The following CERS6 variants were observed in gnomAD, a reference collection of about 807,000 sequenced individuals.
CERS6 encodes the protein ceramide synthase 6.
Under a neutral mutation model 56.8 loss-of-function variants are expected in CERS6, and 26 were observed. The observed-to-expected ratio is 0.46, with a 90% CI of 0.34 to 0.63. The LOEUF is 0.63. Ranked by LOEUF, CERS6 falls within the 30% of genes least tolerant of loss-of-function variation. CERS6 has a pLI of 0.01. For missense variants in CERS6, 415 were observed against 467.5 expected, an observed-to-expected ratio of 0.89 and a Z score of 1.04; for synonymous variants, 164 against 173.3, an observed-to-expected ratio of 0.95 and a Z score of 0.42.
At chr2:168,506,767 A>G (rs557581165) in intron 1 of CERS6, among the ~76,000 whole-genome samples, 12 of 152,352 alleles carry the variant, frequency 7.9e-5, no homozygotes, top group Non-Finnish European at 1.0e-4. Flanking sequence ...TGTCATTTAA[A>G]GGAGATTTGT....
At chr2:168,485,145 C>T (rs377684440) in intron 1 of CERS6, among the ~76,000 whole-genome samples, 1 of 149,640 alleles carries the variant, frequency 6.7e-6, no homozygotes, top group East Asian at 2.0e-4. Flanking sequence ...TACAAAAACA[C>T]AAAAGGTGAC....
At chr2:168,640,644 T>C (rs936189631) in intron 4 of CERS6, among the ~76,000 whole-genome samples, 3 of 152,220 alleles carry the variant, frequency 2.0e-5, no homozygotes, top group African/African-American at 7.2e-5. Flanking sequence ...GTGTCAGATG[T>C]AGGAAGCTAT....
chr2:168,707,647 C>A (rs188418158), intron 6 of CERS6, among the ~76,000 whole-genome samples: 1 of 152,112 alleles, frequency 6.6e-6, no homozygotes, highest in African/African-American at 2.4e-5. Context: ...CCAAATAATT[C>A]GTGGGAGATT....
At chr2:168,677,939 A>G (rs1273011488) in intron 4 of CERS6, among the ~76,000 whole-genome samples, 1 of 152,248 alleles carries the variant, frequency 6.6e-6, no homozygotes, top group Non-Finnish European at 1.5e-5. Context: ...AAACATATGA[A>G]AAAATGCTCA....
intron 1 of CERS6, among the ~76,000 whole-genome samples, chr2:168,529,183 T>C (rs1004063872): frequency 1.3e-4 from 20 of 152,238 alleles, no homozygotes; most frequent in African/African-American, 4.8e-4. Context: ...TCCATTTCTG[T>C]CAGTGTGAAG....
At chr2:168,574,132 C>G (rs530447023) in intron 3 of CERS6, among the ~76,000 whole-genome samples, 1 of 152,216 alleles carries the variant, frequency 6.6e-6, no homozygotes, top group East Asian at 1.9e-4. Context: ...GGAAATGTGT[C>G]CAACTTGAAC....
intron 8 of CERS6, among the ~76,000 whole-genome samples, chr2:168,760,240 C>T (rs1327222216): frequency 6.6e-6 from 1 of 152,148 alleles, no homozygotes; most frequent in Non-Finnish European, 1.5e-5. Flanking sequence ...TGGCTGCAAG[C>T]TTGAGGAGCA....
At chr2:168,768,841 G>C (rs1282081894) in intron 9 of CERS6, among the ~76,000 whole-genome samples, 1 of 150,430 alleles carries the variant, frequency 6.6e-6, no homozygotes. Flanking sequence ...AGGAGGCGGA[G>C]GTTGCAGTGA....
intron 3 of CERS6, among the ~76,000 whole-genome samples, chr2:168,569,224 T>C (rs547920043): frequency 6.6e-5 from 10 of 152,264 alleles, no homozygotes; most frequent in African/African-American, 2.4e-4. Flanking sequence ...CCTCTTCTTA[T>C]AAGAACACCA....
At chr2:168,503,249 A>G (rs373760284) in intron 1 of CERS6, among the ~76,000 whole-genome samples, 2 of 152,202 alleles carry the variant, frequency 1.3e-5, no homozygotes, top group Non-Finnish European at 2.9e-5. Flanking sequence ...CTGTGAGTCA[A>G]TTAAACCTCT....
In CERS6 at chr2:168,727,801, A is replaced by G. The variant is rs115212100; in HGVS notation, c.845+9823A>G. On this transcript the variant is annotated intron_variant, in intron 8 of 9. Transcript: ENST00000305747. The stretch of plus-strand genomic sequence containing the variant: ...AATCCCTTGACAAATTTGCTCTGAA[A>G]TTTGCCTTGGTGCTGGTCTATGTTA... Among the ~76,000 whole-genome samples, 1,085 of 152,308 alleles carry G rather than the reference A, an allele frequency of 7.1e-3. 11 individuals are homozygous for G. Among genetic ancestry groups the G allele is most frequent in the African/African-American group, 0.024 (1,017 of 41,566 alleles).
intron 8 of CERS6, among the ~76,000 whole-genome samples, chr2:168,760,287 G>A (rs1038597939): frequency 2.6e-5 from 4 of 152,172 alleles, no homozygotes; most frequent in Admixed American, 1.3e-4. Flanking sequence ...TGAAGAACTC[G>A]GAGTCTGATG....
chr2:168,651,007 G>A (rs1685328673), intron 4 of CERS6, among the ~76,000 whole-genome samples: 2 of 152,094 alleles, frequency 1.3e-5, no homozygotes, highest in Admixed American at 6.6e-5. Context: ...GAGATTGGGT[G>A]GTGAGAGAAA....
intron 3 of CERS6, among the ~76,000 whole-genome samples, chr2:168,585,093 T>G (rs1329812448): frequency 1.3e-5 from 2 of 152,256 alleles, no homozygotes; most frequent in Non-Finnish European, 2.9e-5. Flanking sequence ...GAAGTGGTAC[T>G]GAGCATGCAA....
chr2:168,646,434 A>G (rs1191804286), intron 4 of CERS6, among the ~76,000 whole-genome samples: 1 of 152,150 alleles, frequency 6.6e-6, no homozygotes, highest in Non-Finnish European at 1.5e-5. Flanking sequence ...GATCCTGCAT[A>G]TTAGACCTCT....
chr2:168,508,467 C>A (rs1694720005), intron 1 of CERS6, among the ~76,000 whole-genome samples: 1 of 152,178 alleles, frequency 6.6e-6, no homozygotes, highest in South Asian at 2.1e-4. Flanking sequence ...CACTGCCTCT[C>A]CTTTTAATCT....
chr2:168,485,863 T>A (rs1256713129), intron 1 of CERS6, among the ~76,000 whole-genome samples: 1 of 152,200 alleles, frequency 6.6e-6, no homozygotes, highest in African/African-American at 2.4e-5. Flanking sequence ...ATACCTAGCA[T>A]GATTTGGCAA....
intron 4 of CERS6, among the ~76,000 whole-genome samples, chr2:168,636,780 A>C (rs745801788): frequency 3.3e-5 from 5 of 151,920 alleles, no homozygotes; most frequent in Admixed American, 1.3e-4. Flanking sequence ...CGTCCCTTTC[A>C]TTTACCCTAC....
chr2:168,456,677 C>T lies in CERS6; in HGVS notation c.170+59C>T. 3 of 1,518,816 alleles carry T rather than the reference C, an allele frequency of 2.0e-6. No homozygotes were observed. Among genetic ancestry groups the T allele is most frequent in the Non-Finnish European group, 9.0e-7 (1 of 1,112,056 alleles). 94.1% of individuals were successfully genotyped at this position (1,518,816 alleles called of 1,614,324 possible). A position where few individuals can be genotyped will look rare whatever the true frequency, so the allele number is the denominator to read the frequency against. ...CTGCGCACACACACGCGCGCACACA[C>T]TCGCGCGCTCTCTGGCGCACGCCCC... On this transcript the variant is annotated intron_variant, in intron 1 of 9. Coordinates refer to ENST00000305747, the MANE Select transcript of CERS6 (RefSeq NM_203463.3). The surrounding 1 kb of genome is among the most constrained non-coding windows in gnomAD (Gnocchi z 4.1).
Sources: allele counts gnomAD v4.1 joint callset (sites outside exome capture counted in the v4.1 genomes callset), GRCh38; gene constraint gnomAD v4.1.1; non-coding constraint Gnocchi (gnomAD v3.1); transcripts MANE v1.5; gene names NCBI Gene and HGNC (gene_info 2026-07-23, HGNC 2026-07-21).